MDGA2: variants seen among roughly 807,000 people sequenced by gnomAD.
MDGA2 encodes the protein MAM domain-containing glycosylphosphatidylinositol anchor protein 2.
In MDGA2, 40 loss-of-function variants were observed where a neutral mutation model predicts 117.8. The observed-to-expected ratio is 0.34, with a 90% CI of 0.26 to 0.44. MDGA2 has a LOEUF of 0.44. Ranked by LOEUF, MDGA2 falls within the 20% of genes least tolerant of loss-of-function variation. MDGA2 has a pLI of 1.00. For missense variants in MDGA2, 1,123 were observed against 1,250.6 expected, an observed-to-expected ratio of 0.90 and a Z score of 1.54; for synonymous variants, 452 against 439.0, an observed-to-expected ratio of 1.03 and a Z score of -0.37.
chr14:47,069,165 C>T (rs1042358958), intron 6 of MDGA2, among the ~76,000 whole-genome samples: 1 of 152,182 alleles, frequency 6.6e-6, no homozygotes, highest in South Asian at 2.1e-4. Flanking sequence ...CACTAGGATA[C>T]TTTATGTGCT....
intron 1 of MDGA2, among the ~76,000 whole-genome samples, chr14:47,634,597 T>C (rs1291301105): frequency 2.6e-5 from 4 of 152,180 alleles, no homozygotes; most frequent in African/African-American, 9.6e-5. Flanking sequence ...TTTTAGCTTT[T>C]CTAAGCTATA....
In MDGA2 at chr14:47,200,585, A is replaced by G. The variant is rs554139872; in HGVS notation, c.595+17436T>C. The G allele has an allele frequency of 2.1e-4, 223 of 1,077,310 alleles. 2 individuals are homozygous for G. The South Asian group carries it at 2.7e-3, about 13-fold the overall frequency. 66.7% of individuals were successfully genotyped at this position (1,077,310 alleles called of 1,614,324 possible). On this transcript the variant is annotated intron_variant, in intron 3 of 16. Coordinates refer to ENST00000399232, the MANE Select transcript of MDGA2 (RefSeq NM_001113498.3). ...CAGTCTTTATTGGGCTCAGACCAGGAGTCCGTGAGTCTTGAAGACCTCTGT... is the reference window on the plus strand; with the variant it reads ...CAGTCTTTATTGGGCTCAGACCAGGGGTCCGTGAGTCTTGAAGACCTCTGT...
chr14:46,970,197 C>A (rs961692037), intron 8 of MDGA2, among the ~76,000 whole-genome samples: 2 of 151,640 alleles, frequency 1.3e-5, no homozygotes, highest in African/African-American at 2.4e-5. Context: ...TAGAAAAAAA[C>A]AATCCTGGAA....
intron 10 of MDGA2, among the ~76,000 whole-genome samples, chr14:46,911,449 G>A (rs1477853590): frequency 1.3e-5 from 2 of 152,156 alleles, no homozygotes; most frequent in East Asian, 3.8e-4. Context: ...AGCTATTTTA[G>A]TTAAATCTTT....
At chr14:47,641,140 T>C (rs745851557) in intron 1 of MDGA2, among the ~76,000 whole-genome samples, 3 of 152,102 alleles carry the variant, frequency 2.0e-5, no homozygotes, top group Non-Finnish European at 4.4e-5. Flanking sequence ...CCTATACATA[T>C]GTATGTATTC....
chr14:47,483,957 C>T (rs1330545576), intron 1 of MDGA2, among the ~76,000 whole-genome samples: 1 of 152,122 alleles, frequency 6.6e-6, no homozygotes, highest in African/African-American at 2.4e-5. Flanking sequence ...GGTGTCAAAA[C>T]TCTTGAGATA....
At chr14:47,645,703 C>T (rs1897516876) in intron 1 of MDGA2, among the ~76,000 whole-genome samples, 1 of 151,920 alleles carries the variant, frequency 6.6e-6, no homozygotes, top group African/African-American at 2.4e-5. Context: ...AAAATGCTTA[C>T]AACTGATCAA....
intron 6 of MDGA2, among the ~76,000 whole-genome samples, chr14:47,082,649 C>T (rs207474796): frequency 6.6e-6 from 1 of 151,844 alleles, no homozygotes; most frequent in East Asian, 1.9e-4. Context: ...TAACCTAATC[C>T]TGAGCCGGTT....
intron 3 of MDGA2, among the ~76,000 whole-genome samples, chr14:47,187,452 T>G (rs1045385704): frequency 1.3e-5 from 2 of 152,170 alleles, no homozygotes; most frequent in Non-Finnish European, 2.9e-5. Context: ...GCAAGTAACT[T>G]TGAACCACTT....
chr14:47,176,869 A>G (rs1354590553), intron 3 of MDGA2, among the ~76,000 whole-genome samples: 1 of 152,212 alleles, frequency 6.6e-6, no homozygotes, highest in Non-Finnish European at 1.5e-5. Flanking sequence ...CAGGCAACCT[A>G]CACAATGGGA....
intron 1 of MDGA2, among the ~76,000 whole-genome samples, chr14:47,555,363 A>T (rs1895663539): frequency 6.6e-6 from 1 of 152,162 alleles, no homozygotes; most frequent in African/African-American, 2.4e-5. Flanking sequence ...GTTGTGTATA[A>T]GAGAGACTGA....
At position 47,070,126 on chromosome 14, in the gene MDGA2, T is replaced by G. The variant is rs527537782; in HGVS notation, c.1196-8548A>C. Among the ~76,000 whole-genome samples the G allele has an allele frequency of 3.7e-4, 56 of 152,342 alleles. No homozygotes were observed. The South Asian group carries it at 0.011, about 31-fold the overall frequency. Reference sequence around the variant, plus strand: ...ACAATTAAATAATCATAATTGACTATAGTCACCCTGTTGTGCTATCAAATA... The same window carrying G: ...ACAATTAAATAATCATAATTGACTAGAGTCACCCTGTTGTGCTATCAAATA... On this transcript the variant is annotated intron_variant, in intron 6 of 16. Coordinates refer to ENST00000399232, the MANE Select transcript of MDGA2 (RefSeq NM_001113498.3).
intron 3 of MDGA2, among the ~76,000 whole-genome samples, chr14:47,161,433 C>T (rs1219420436): frequency 1.3e-5 from 2 of 151,854 alleles, no homozygotes; most frequent in East Asian, 3.9e-4. Flanking sequence ...TAACAATCAC[C>T]ATTTTATTAC....
intron 1 of MDGA2, among the ~76,000 whole-genome samples, chr14:47,439,041 A>C (rs1892950585): frequency 6.6e-6 from 1 of 152,160 alleles, no homozygotes. Flanking sequence ...GAATTTATGC[A>C]TTAGGCTTCT....
chr14:47,359,370 C>T (rs1891063566), intron 1 of MDGA2, among the ~76,000 whole-genome samples: 1 of 151,206 alleles, frequency 6.6e-6, no homozygotes, highest in African/African-American at 2.4e-5. Flanking sequence ...AACAAACAAG[C>T]AAACAAACAA....
intron 2 of MDGA2, among the ~76,000 whole-genome samples, chr14:47,223,044 T>C (rs1237422212): frequency 1.3e-5 from 2 of 152,184 alleles, no homozygotes; most frequent in African/African-American, 4.8e-5. Flanking sequence ...AAGGCACTTC[T>C]TACATGGTGG....
At chr14:47,304,278 A>G (rs1566729996) in intron 1 of MDGA2, among the ~76,000 whole-genome samples, 1 of 152,190 alleles carries the variant, frequency 6.6e-6, no homozygotes, top group Non-Finnish European at 1.5e-5. Flanking sequence ...AAGCCTGAGG[A>G]CATCAAATGA....
At chr14:47,025,121 T>C (rs1234526678) in intron 8 of MDGA2, among the ~76,000 whole-genome samples, 4 of 152,082 alleles carry the variant, frequency 2.6e-5, no homozygotes, top group South Asian at 2.1e-4. Flanking sequence ...TGCAGAAAAA[T>C]ATAAGAGTAA....
chr14:47,565,647 G>C (rs1485631842), intron 1 of MDGA2, among the ~76,000 whole-genome samples: 1 of 152,220 alleles, frequency 6.6e-6, no homozygotes, highest in Non-Finnish European at 1.5e-5. Flanking sequence ...CCATACGACA[G>C]AGTGCATGCT....
Sources: allele counts gnomAD v4.1 joint callset (sites outside exome capture counted in the v4.1 genomes callset), GRCh38; gene constraint gnomAD v4.1.1; transcripts MANE v1.5; gene names NCBI Gene and HGNC (gene_info 2026-07-23, HGNC 2026-07-21).